Variants in PKP4 observed in about 807,000 individuals in gnomAD.
PKP4 encodes plakophilin 4.
A neutral mutation model predicts 145.1 loss-of-function variants in PKP4; 90 were observed. The ratio of observed to expected loss-of-function variants is 0.62; its 90% CI spans 0.52 to 0.74. The LOEUF is 0.74. Ranked by LOEUF, PKP4 falls within the 30% of genes least tolerant of loss-of-function variation. The probability of loss-of-function intolerance (pLI) is 0.00; values close to 1 mark genes in which losing one functional copy is unlikely to be tolerated. For synonymous variants in PKP4, 563 were observed against 577.2 expected, an observed-to-expected ratio of 0.98 and a Z score of 0.35; for missense variants, 1,340 against 1,482.7, an observed-to-expected ratio of 0.90 and a Z score of 1.58.
At chr2:158,501,149 C>G (rs948961619) in intron 1 of PKP4, among the ~76,000 whole-genome samples, 3 of 152,158 alleles carry the variant, frequency 2.0e-5, no homozygotes, top group African/African-American at 4.8e-5. Context: ...GCAGGCATCC[C>G]TATTTTGCTG....
At chr2:158,571,388 A>G (rs1559339640) in intron 2 of PKP4, among the ~76,000 whole-genome samples, 1 of 152,202 alleles carries the variant, frequency 6.6e-6, no homozygotes, top group Non-Finnish European at 1.5e-5. Context: ...GGACAATTAT[A>G]TAACATATAC....
At chr2:158,544,623 T>TA (rs879639009) in intron 2 of PKP4, among the ~76,000 whole-genome samples, 37 of 152,160 alleles carry the variant, frequency 2.4e-4, no homozygotes, top group Admixed American at 5.9e-4. Context: ...ATTTGCTTCT[T>TA]ACACTGATCG....
chr2:158,502,807 T>A (rs887111721), intron 1 of PKP4, among the ~76,000 whole-genome samples: 1 of 152,246 alleles, frequency 6.6e-6, no homozygotes, highest in Non-Finnish European at 1.5e-5. Context: ...AGTACAACTT[T>A]TACAGTGTGT....
chr2:158,624,794 T>A (rs2052594504), intron 6 of PKP4, 84 bp from the exon 7 acceptor site: 1 of 1,020,572 alleles, frequency 9.8e-7, no homozygotes, highest in Non-Finnish European at 1.4e-6. Context: ...CATTCTGTAG[T>A]GAGCTATGTG....
chr2:158,516,652 ACTTTT>A (rs985788099), intron 1 of PKP4, among the ~76,000 whole-genome samples: 15 of 150,102 alleles, frequency 1.0e-4, no homozygotes, highest in African/African-American at 2.7e-4. Context: ...TGGATTATAT[ACTTTT>A]CTTTTTTTTT....
At chr2:158,580,653 G>A (rs1380148377) in intron 3 of PKP4, among the ~76,000 whole-genome samples, 2 of 152,144 alleles carry the variant, frequency 1.3e-5, no homozygotes, top group Non-Finnish European at 1.5e-5. Flanking sequence ...GAATAAAGAG[G>A]CCAGGCAGCC....
At chr2:158,594,346 C>G (rs997735090) in intron 3 of PKP4, among the ~76,000 whole-genome samples, 2 of 152,162 alleles carry the variant, frequency 1.3e-5, no homozygotes, top group African/African-American at 2.4e-5. Flanking sequence ...AAAAGAAGCC[C>G]TTTGCCCTGT....
intron 1 of PKP4, among the ~76,000 whole-genome samples, chr2:158,485,886 A>T (rs1486678467): frequency 6.6e-6 from 1 of 152,248 alleles, no homozygotes; most frequent in Non-Finnish European, 1.5e-5. Flanking sequence ...ACATTGGCAT[A>T]TGTAATCTAA....
At chr2:158,576,119 G>C (rs1260944602) in intron 2 of PKP4, among the ~76,000 whole-genome samples, 1 of 152,156 alleles carries the variant, frequency 6.6e-6, no homozygotes. Flanking sequence ...TTTAGGGACT[G>C]TTTCTTAAAA....
intron 1 of PKP4, among the ~76,000 whole-genome samples, chr2:158,464,324 A>G (rs955048860): frequency 3.9e-5 from 6 of 152,202 alleles, no homozygotes; most frequent in African/African-American, 1.4e-4. Context: ...ATTTTTACAT[A>G]TAGACAATCT....
At chr2:158,664,532 C>A (rs1380833495) in intron 15 of PKP4, among the ~76,000 whole-genome samples, 1 of 152,124 alleles carries the variant, frequency 6.6e-6, no homozygotes, top group Non-Finnish European at 1.5e-5. Flanking sequence ...CCCACCTTAA[C>A]CCCCCAAAAT....
intron 1 of PKP4, among the ~76,000 whole-genome samples, chr2:158,527,708 C>A (rs1438778293): frequency 1.8e-4 from 1 of 5,594 alleles, no homozygotes; most frequent in Non-Finnish European, 3.4e-4. Context: ...CAACCTACAA[C>A]ATGGGAGAAA....
intron 3 of PKP4, among the ~76,000 whole-genome samples, chr2:158,583,665 C>T (rs189320173): frequency 2.0e-5 from 3 of 152,168 alleles, no homozygotes; most frequent in Admixed American, 6.5e-5. Flanking sequence ...TCATGAACCC[C>T]CCTAAAAAGA....
chr2:158,542,208 C>A (rs2044584844), intron 2 of PKP4, among the ~76,000 whole-genome samples: 1 of 152,040 alleles, frequency 6.6e-6, no homozygotes, highest in South Asian at 2.1e-4. Flanking sequence ...TCCCATTGTC[C>A]CACTTTCTCA....
intron 3 of PKP4, among the ~76,000 whole-genome samples, chr2:158,582,909 G>T (rs551606419): frequency 3.3e-5 from 5 of 152,306 alleles, no homozygotes; most frequent in African/African-American, 1.2e-4. Context: ...AGCCTACCAT[G>T]ACTATTTCTG....
intron 4 of PKP4, among the ~76,000 whole-genome samples, chr2:158,612,715 CTA>C (rs928696826): frequency 6.6e-6 from 1 of 152,062 alleles, no homozygotes; most frequent in African/African-American, 2.4e-5. Context: ...TCAAATTTCT[CTA>C]TATCATAAAA....
At chr2:158,509,777 GTC>G (rs1328758754) in intron 1 of PKP4, among the ~76,000 whole-genome samples, 2 of 152,016 alleles carry the variant, frequency 1.3e-5, no homozygotes, top group Non-Finnish European at 2.9e-5. Flanking sequence ...GAGAAACCCT[GTC>G]TCTACTAAAA....
At chr2:158,617,895 CTGAA>C (rs2051798381) in intron 4 of PKP4, among the ~76,000 whole-genome samples, 1 of 152,172 alleles carries the variant, frequency 6.6e-6, no homozygotes, top group South Asian at 2.1e-4. Flanking sequence ...AGAAAAATAA[CTGAA>C]TGGCCGAGCA....
At chr2:158,542,473 G>A (rs761062406) in intron 2 of PKP4, among the ~76,000 whole-genome samples, 4 of 152,062 alleles carry the variant, frequency 2.6e-5, no homozygotes, top group Admixed American at 1.3e-4. Context: ...GTTGCATTTC[G>A]CTCATTTGAT....
Sources: gnomAD v4.1 joint callset for allele counts (sites outside exome capture counted in the v4.1 genomes callset) on GRCh38, gnomAD v4.1.1 for gene constraint, MANE v1.5 for transcripts, NCBI Gene and HGNC (gene_info 2026-07-23, HGNC 2026-07-21) for gene names.